Variants in GNB4 observed in about 807,000 individuals in gnomAD.
GNB4 encodes G protein subunit beta 4, also known as guanine nucleotide-binding protein subunit beta-4.
A neutral mutation model predicts 45.2 loss-of-function variants in GNB4; 28 were observed. The ratio of observed to expected loss-of-function variants is 0.62; its 90% CI spans 0.46 to 0.85. The LOEUF (loss-of-function observed/expected upper bound fraction) is 0.85, where lower values mean the gene tolerates loss of function less well. Among genes scored for constraint, GNB4 ranks in the 40% least tolerant of loss-of-function variants. GNB4 has a pLI of 0.00. For missense variants in GNB4, 321 were observed against 425.4 expected, an observed-to-expected ratio of 0.75 and a Z score of 2.16; for synonymous variants, 132 against 143.7, an observed-to-expected ratio of 0.92 and a Z score of 0.58.
the GNB4 span, among the ~76,000 whole-genome samples, chr3:179,508,932 G>GTGTATATATATATATA: frequency 7.3e-4 from 75 of 102,128 alleles, no homozygotes; most frequent in African/African-American, 3.3e-3. Flanking sequence ...TTCAGCATGT[G>GTGTATATATATATATA]TATATATATA....
the GNB4 span, among the ~76,000 whole-genome samples, chr3:179,519,289 GCTCT>G: frequency 6.6e-6 from 1 of 152,108 alleles, no homozygotes; most frequent in Non-Finnish European, 1.5e-5. Flanking sequence ...CTGGCCCAAA[GCTCT>G]CTGACTCCAT....
chr3:179,525,774 G>C, the GNB4 span, among the ~76,000 whole-genome samples: 6 of 151,956 alleles, frequency 3.9e-5, no homozygotes, highest in South Asian at 2.1e-4. Flanking sequence ...GAGATTGAAG[G>C]GTAGCGAGAG....
At chr3:179,469,922 G>T in the GNB4 span, among the ~76,000 whole-genome samples, 1 of 152,192 alleles carries the variant, frequency 6.6e-6, no homozygotes, top group African/African-American at 2.4e-5. Context: ...AAGGAACTCA[G>T]TCTTACGCAG....
intron 8 of GNB4, among the ~76,000 whole-genome samples, chr3:179,409,582 C>G (rs1022060740): frequency 6.6e-6 from 1 of 151,708 alleles, no homozygotes; most frequent in Non-Finnish European, 1.5e-5. Context: ...GAGGCCGAGG[C>G]AGGCAGATCA....
chr3:179,498,073 C>A, the GNB4 span, among the ~76,000 whole-genome samples: 1 of 152,180 alleles, frequency 6.6e-6, no homozygotes, highest in Non-Finnish European at 1.5e-5. Flanking sequence ...ATCAGTATCT[C>A]AAAAAGATAT....
upstream of GNB4, among the ~76,000 whole-genome samples, chr3:179,453,547 T>C (rs1229086726): frequency 6.6e-6 from 1 of 152,212 alleles, no homozygotes; most frequent in Non-Finnish European, 1.5e-5. Flanking sequence ...TGCTGGTATT[T>C]AGGAAAACAC....
In GNB4 at chr3:179,437,362, C is replaced by T. The variant is rs966798015; in HGVS notation, c.-42-11120G>A. Among the ~76,000 whole-genome samples the T allele has an allele frequency of 4.6e-5, 7 of 151,904 alleles. No homozygotes were observed. In the East Asian group the frequency reaches 9.7e-4, roughly 21 times the overall value. Reference sequence around the variant, plus strand: ...GGCGGATCACTTGAGGCCAGGAGTTCGAGACCAGCCTGGCCAACATGGTGA... The same window carrying T: ...GGCGGATCACTTGAGGCCAGGAGTTTGAGACCAGCCTGGCCAACATGGTGA... On this transcript the variant is annotated intron_variant, in intron 1 of 9. Transcript: ENST00000232564.
chr3:179,431,458 T>C (rs1055112866), intron 1 of GNB4, among the ~76,000 whole-genome samples: 5 of 151,392 alleles, frequency 3.3e-5, no homozygotes, highest in African/African-American at 9.7e-5. Context: ...TCTCGGGAAA[T>C]TGAGGCAGGA....
At chr3:179,484,142 G>A in the GNB4 span, among the ~76,000 whole-genome samples, 10 of 152,126 alleles carry the variant, frequency 6.6e-5, no homozygotes, top group South Asian at 2.1e-4. Context: ...AAATGAGTAC[G>A]TATCAATAGT....
At chr3:179,468,031 T>TAAAAAAAAAA in the GNB4 span, among the ~76,000 whole-genome samples, 15 of 67,308 alleles carry the variant, frequency 2.2e-4, no homozygotes, top group African/African-American at 9.1e-4. Flanking sequence ...ATTTTGTTGA[T>TAAAAAAAAAA]AAAAATATAT....
chr3:179,456,275 T>C (rs1715976840), upstream of GNB4, among the ~76,000 whole-genome samples: 6 of 152,288 alleles, frequency 3.9e-5, no homozygotes, highest in South Asian at 1.2e-3. Flanking sequence ...TGTATTTTTG[T>C]AGAGGCGGGG....
the GNB4 span, among the ~76,000 whole-genome samples, chr3:179,474,374 C>T: frequency 1.3e-5 from 2 of 152,094 alleles, no homozygotes; most frequent in African/African-American, 4.8e-5. Flanking sequence ...CAGGCACACG[C>T]CACCATGCCT....
rs148382304 is a variant in GNB4 at position 179,441,513 on chromosome 3, C to T, written c.-43+9833G>A. Among the ~76,000 whole-genome samples the T allele has an allele frequency of 3.4e-3, 518 of 152,176 alleles. 1 individual carries two copies. Among genetic ancestry groups the T allele is most frequent in the African/African-American group, 0.012 (487 of 41,528 alleles). ...ATTTTGGAGGCCAAGGCAGGTGGACCACCTGAGGTCAGGAGTTCAAGACCA... is the reference window on the plus strand; with the variant it reads ...ATTTTGGAGGCCAAGGCAGGTGGACTACCTGAGGTCAGGAGTTCAAGACCA... On this transcript the variant is annotated intron_variant, in intron 1 of 9. Transcript: ENST00000232564.
At chr3:179,481,549 A>C in the GNB4 span, among the ~76,000 whole-genome samples, 1 of 152,168 alleles carries the variant, frequency 6.6e-6, no homozygotes, top group Non-Finnish European at 1.5e-5. Flanking sequence ...TATATTGCCC[A>C]GGTGGGTCTT....
intron 1 of GNB4, among the ~76,000 whole-genome samples, chr3:179,447,638 T>G (rs1003932177): frequency 1.3e-5 from 2 of 152,088 alleles, no homozygotes; most frequent in African/African-American, 4.8e-5. Flanking sequence ...GACAAACCAG[T>G]TGGGGGGCTC....
At chr3:179,409,820 CAAA>C (rs1198153666) in intron 8 of GNB4, among the ~76,000 whole-genome samples, 2 of 101,408 alleles carry the variant, frequency 2.0e-5, no homozygotes, top group South Asian at 3.4e-4. Flanking sequence ...AAAAAAAAAA[CAAA>C]AAAACAAAAC....
the GNB4 span, among the ~76,000 whole-genome samples, chr3:179,504,767 C>T: frequency 2.0e-3 from 307 of 152,170 alleles, 5 homozygotes; most frequent in Middle Eastern, 0.01. Context: ...TGGACCAGAC[C>T]GGACACTGCA....
At chr3:179,520,507 G>A in the GNB4 span, among the ~76,000 whole-genome samples, 29 of 152,220 alleles carry the variant, frequency 1.9e-4, no homozygotes, top group Admixed American at 3.3e-4. Context: ...TCAGTGTGCG[G>A]TGGCTGCCGC....
At chr3:179,426,062 A>G in intron 2 of GNB4, 82 bp downstream of exon 2, 2 of 1,038,656 alleles carry the variant, frequency 1.9e-6, no homozygotes, top group Admixed American at 4.3e-5. Context: ...ATCATTTAAT[A>G]TAGACTGATA....
Sources: allele counts gnomAD v4.1 joint callset (sites outside exome capture counted in the v4.1 genomes callset), GRCh38; gene constraint gnomAD v4.1.1; transcripts MANE v1.5; gene names NCBI Gene and HGNC (gene_info 2026-07-23, HGNC 2026-07-21).